The following PEX26 variants were observed in gnomAD, a reference collection of about 807,000 sequenced individuals.
PEX26 encodes peroxisome assembly protein 26.
Under a neutral mutation model 31.4 loss-of-function variants are expected in PEX26, and 18 were observed. That is an observed-to-expected ratio of 0.57 (90% confidence interval 0.40 to 0.85). PEX26 has a LOEUF of 0.85. Ranked by LOEUF, PEX26 falls within the 40% of genes least tolerant of loss-of-function variation. The pLI is 0.00. For missense variants in PEX26, 377 were observed against 383.9 expected, an observed-to-expected ratio of 0.98 and a Z score of 0.15; for synonymous variants, 176 against 166.9, an observed-to-expected ratio of 1.05 and a Z score of -0.42.
chr22:18,083,250 A>C (rs1262358198), intron 2 of PEX26, among the ~76,000 whole-genome samples, 187 bp from the exon 3 acceptor site: 3 of 152,194 alleles, frequency 2.0e-5, no homozygotes, highest in African/African-American at 7.2e-5. Context: ...AGCTTTTCCC[A>C]TTGATTATGC....
chr22:18,088,371 C>T lies in PEX26; in HGVS notation c.*296C>T, dbSNP rs1926936922. On this transcript the variant is annotated 3_prime_UTR_variant, in exon 5 of 5. Coordinates refer to ENST00000399744, the MANE Select transcript of PEX26 (RefSeq NM_001127649.3). The surrounding 1 kb of genome is among the most constrained non-coding windows in gnomAD (Gnocchi z 4.1). ...GGGGACAGGGACTGTGTCCATGAAA[C>T]ATTCCATCTTCTTGGTGAAGGCAAG... 5.9e-6 allele frequency: 3 copies of T among 510,800 alleles called. No individual in the cohort carries two copies. The highest frequency in any genetic ancestry group is 1.1e-5 in the Non-Finnish European group (3 of 277,602). 31.6% of individuals were successfully genotyped at this position (510,800 alleles called of 1,614,324 possible). A position where few individuals can be genotyped will look rare whatever the true frequency, so the allele number is the denominator to read the frequency against.
intron 4 of PEX26, among the ~76,000 whole-genome samples, chr22:18,087,701 A>C (rs1926897405): frequency 6.6e-6 from 1 of 152,246 alleles, no homozygotes; most frequent in Admixed American, 6.5e-5. Context: ...CCTCAGCAGC[A>C]GGCCCGACTC....
At chr22:18,080,956 C>A (rs1256818148) in intron 2 of PEX26, among the ~76,000 whole-genome samples, 1 of 151,724 alleles carries the variant, frequency 6.6e-6, no homozygotes, top group Non-Finnish European at 1.5e-5. Flanking sequence ...TTCCCAGTCT[C>A]TGGTAACCAC....
Position 18,078,407 on chromosome 22 carries a change from C to T in PEX26, c.31C>T (p.Pro11Ser), listed in dbSNP as rs761627505. 6.9e-6 allele frequency: 11 copies of T among 1,598,210 alleles called. No individual in the cohort carries two copies. The highest frequency in any genetic ancestry group is 1.3e-5 in the African/African-American group (1 of 74,644). The change falls in exon 1 of 5, where the codon CCC becomes TCC. Residue 11 changes from proline (P) to serine (S), a missense_variant. Coordinates refer to ENST00000399744, the MANE Select transcript of PEX26 (RefSeq NM_001127649.3). ...GAGCGATTCTTCGACCTCTGCAGCC[C>T]CCCTCAGGGGGCTCGGGGGACCCCT... MKSDSSTSAA[P>S]LRGLGGPLRS...
intron 2 of PEX26, among the ~76,000 whole-genome samples, chr22:18,081,245 T>TACACACACACACACACACACACAC (rs59081749): frequency 1.4e-5 from 2 of 138,024 alleles, no homozygotes; most frequent in Non-Finnish European, 3.2e-5. Flanking sequence ...TGTACACATA[T>TACACACACACACACACACACACAC]ACACACACAC....
Position 18,078,343 on chromosome 22 carries a change from G to A in PEX26, c.-34G>A, listed in dbSNP as rs748386776. ...CCTCTGGGGAGGCGGTCACTCCGAC[G>A]TCTGAGGACCTGGGCCTTGGACCCG... On this transcript the variant is annotated 5_prime_UTR_variant, in exon 1 of 5. Transcript: ENST00000399744. The A allele has an allele frequency of 1.0e-5, 15 of 1,506,018 alleles. No homozygotes were observed. The highest frequency in any genetic ancestry group is 1.7e-4 in the Middle Eastern group (1 of 5,910). The allele number at this position is 1,506,018 out of a possible 1,614,324, so 93.3% of individuals were successfully genotyped here. A position where few individuals can be genotyped will look rare whatever the true frequency, so the allele number is the denominator to read the frequency against.
At chr22:18,086,564 T>C (rs1926850681) in intron 4 of PEX26, among the ~76,000 whole-genome samples, 1 of 152,258 alleles carries the variant, frequency 6.6e-6, no homozygotes, top group African/African-American at 2.4e-5. Context: ...ATGAGCTCCC[T>C]AAGTGATATT....
chr22:18,084,924 T>C (rs1489742209), intron 3 of PEX26, among the ~76,000 whole-genome samples, 188 bp from the exon 4 acceptor site: 2 of 151,978 alleles, frequency 1.3e-5, no homozygotes, highest in Admixed American at 1.3e-4. Flanking sequence ...GGTTTCACCA[T>C]GTTAGCCAGG....
chr22:18,085,982 A>G (rs1926826794), intron 4 of PEX26, among the ~76,000 whole-genome samples: 1 of 152,168 alleles, frequency 6.6e-6, no homozygotes, highest in South Asian at 2.1e-4. Flanking sequence ...GTTGTAAATG[A>G]AAAACTCATA....
Position 18,079,926 on chromosome 22 carries a change from G to A in PEX26, c.283G>A (p.Glu95Lys). The change falls in exon 2 of 5, where the codon GAA (glutamate) becomes AAA (lysine). Residue 95 changes from glutamate (E) to lysine (K), a missense_variant. Glu to Lys is a moderately conservative substitution (Grantham distance 56). Coordinates refer to ENST00000399744, the MANE Select transcript of PEX26 (RefSeq NM_001127649.3). ...LCVVGIQALA[E>K]MDRWQEVLSW... ...TGTTGTGGGGATCCAGGCCCTGGCA[G>A]AAATGGATCGGTGGCAAGAAGTCCT... The A allele has an allele frequency of 6.2e-7, 1 of 1,614,156 alleles. No homozygotes were observed. Among genetic ancestry groups the A allele is most frequent in the Non-Finnish European group, 8.5e-7 (1 of 1,180,016 alleles).
chr22:18,098,653 A>G lies in PEX26; in HGVS notation c.*10578A>G, dbSNP rs997445397. The G allele has an allele frequency of 1.3e-5, 2 of 152,124 alleles. No homozygotes were observed. Among genetic ancestry groups the G allele is most frequent in the East Asian group, 3.9e-4 (2 of 5,188 alleles). The allele number at this position is 152,124 out of a possible 1,614,324, so 9.4% of individuals were successfully genotyped here. A position where few individuals can be genotyped will look rare whatever the true frequency, so the allele number is the denominator to read the frequency against. On this transcript the variant is annotated 3_prime_UTR_variant, in exon 5 of 5. Coordinates refer to ENST00000399744, the MANE Select transcript of PEX26 (RefSeq NM_001127649.3). ...TCTCAAAAAAAAGAAAAAAGAAAAAAAAATTACCTCCCTCATTTTCTTTAT... is the reference window on the plus strand; with the variant it reads ...TCTCAAAAAAAAGAAAAAAGAAAAAGAAATTACCTCCCTCATTTTCTTTAT...
At chr22:18,087,011 C>T (rs1269404991) in intron 4 of PEX26, among the ~76,000 whole-genome samples, 2 of 152,124 alleles carry the variant, frequency 1.3e-5, no homozygotes, top group African/African-American at 2.4e-5. Context: ...CTCCTAGGCT[C>T]AAGCGATCTT....
At chr22:18,083,349 TAGG>T in intron 2 of PEX26, 85 bp from the exon 3 acceptor site, 2 of 1,345,472 alleles carry the variant, frequency 1.5e-6, no homozygotes, top group South Asian at 1.2e-5. Context: ...AGGGGCTGGA[TAGG>T]AGAAGCATAG....
In PEX26 at chr22:18,099,843, C is replaced by G. The variant is rs1927400689; in HGVS notation, c.*11768C>G. Reference sequence around the variant, plus strand: ...TCTTCGCTTGACCTTCTTCGTACCTCTGTATCTTCTCTGCCAAGGATGCAT... The same window carrying G: ...TCTTCGCTTGACCTTCTTCGTACCTGTGTATCTTCTCTGCCAAGGATGCAT... On this transcript the variant is annotated 3_prime_UTR_variant, in exon 5 of 5. Transcript: ENST00000399744. 1 of 152,192 alleles carries G rather than the reference C, an allele frequency of 6.6e-6. No individual in the cohort carries two copies. The highest frequency in any genetic ancestry group is 1.5e-5 in the Non-Finnish European group (1 of 68,050). The allele number at this position is 152,192 out of a possible 1,614,324, so 9.4% of individuals were successfully genotyped here. A position where few individuals can be genotyped will look rare whatever the true frequency, so the allele number is the denominator to read the frequency against.
chr22:18,094,480 G>C lies in PEX26; in HGVS notation c.*6405G>C, dbSNP rs1927230076. ...GCCTCCCACAGTGCTGGGATTACAG[G>C]CGTGAGCCACGGCACCTGGAGAGAA... is the stretch of plus-strand genomic sequence containing the variant. On this transcript the variant is annotated 3_prime_UTR_variant, in exon 5 of 5. Transcript: ENST00000399744. The C allele has an allele frequency of 6.6e-6, 1 of 152,234 alleles. No individual in the cohort carries two copies. The highest frequency in any genetic ancestry group is 2.4e-5 in the African/African-American group (1 of 41,442). The allele number at this position is 152,234 out of a possible 1,614,324, so 9.4% of individuals were successfully genotyped here.
Position 18,078,542 on chromosome 22 carries a change from G to T in PEX26, c.166G>T (p.Glu56Ter). ...VVHLDFRAALETCERAWQSLA... is the reference protein window; with the variant it reads ...VVHLDFRAAL ...GCACCTGGACTTCCGGGCGGCGCTG[G>T]AGACCTGCGAGCGGGCCTGGCAGAG... Residue 56 changes from glutamate (E) to a stop codon, truncating the protein, a stop_gained, in exon 1 of 5, where the codon GAG (glutamate) becomes TAG (stop). Transcript: ENST00000399744. LOFTEE classifies it high-confidence loss of function. The T allele has an allele frequency of 6.3e-7, 1 of 1,586,542 alleles. No homozygotes were observed. The highest frequency in any genetic ancestry group is 1.1e-5 in the South Asian group (1 of 87,990).
rs886057245 is a variant in PEX26 at position 18,078,614 on chromosome 22, C to T, written c.230+8C>T. 5.0e-6 allele frequency: 8 copies of T among 1,596,124 alleles called. No individual in the cohort carries two copies. Among genetic ancestry groups the T allele is most frequent in the Non-Finnish European group, 6.8e-6 (8 of 1,174,100 alleles). On this transcript the variant is annotated splice_region_variant and intron_variant, in intron 1 of 4. Coordinates refer to ENST00000399744, the MANE Select transcript of PEX26 (RefSeq NM_001127649.3). Reference sequence around the variant, plus strand: ...AGAGGAACCCGCGGGCACGTACGTGCTGGGCTCGGAAATGAACCGATTTCC... The same window carrying T: ...AGAGGAACCCGCGGGCACGTACGTGTTGGGCTCGGAAATGAACCGATTTCC...
Position 18,088,516 on chromosome 22 carries a change from C to T in PEX26, c.*441C>T, listed in dbSNP as rs1031116911. 1.6e-5 allele frequency: 5 copies of T among 312,446 alleles called. No homozygotes were observed. The highest frequency in any genetic ancestry group is 4.2e-5 in the Admixed American group (1 of 24,082). The allele number at this position is 312,446 out of a possible 1,614,324, so 19.4% of individuals were successfully genotyped here. A position where few individuals can be genotyped will look rare whatever the true frequency, so the allele number is the denominator to read the frequency against. On this transcript the variant is annotated 3_prime_UTR_variant, in exon 5 of 5. Coordinates refer to ENST00000399744, the MANE Select transcript of PEX26 (RefSeq NM_001127649.3). The surrounding 1 kb of genome is among the most constrained non-coding windows in gnomAD (Gnocchi z 4.1). ...CTTCTTTGCTGGGCATGGTGACTCA[C>T]GCCTGTAATCCCAGCACTTTGGAAG...
At chr22:18,081,283 ATCCAT>A (rs1307443606) in intron 2 of PEX26, among the ~76,000 whole-genome samples, 1 of 95,274 alleles carries the variant, frequency 1.0e-5, no homozygotes, top group East Asian at 4.4e-4. Context: ...CACACACATT[ATCCAT>A]TCATCTGTTG....
Sources: gnomAD v4.1 joint callset for allele counts (sites outside exome capture counted in the v4.1 genomes callset) on GRCh38, gnomAD v4.1.1 for gene constraint, Gnocchi (gnomAD v3.1) non-coding constraint, MANE v1.5 for transcripts, NCBI Gene and HGNC (gene_info 2026-07-23, HGNC 2026-07-21) for gene names.